The following BIRC6 variants were observed in gnomAD, a reference collection of about 807,000 sequenced individuals.
BIRC6 encodes the protein dual E2 ubiquitin-conjugating enzyme/E3 ubiquitin-protein ligase BIRC6.
In BIRC6, 98 loss-of-function variants were observed where a neutral mutation model predicts 503.3. The ratio of observed to expected loss-of-function variants is 0.19; its 90% confidence interval spans 0.17 to 0.23. The LOEUF is 0.23. Ranked by LOEUF, BIRC6 falls within the 10% of genes least tolerant of loss-of-function variation. The pLI is 1.00. For missense variants in BIRC6, 5,360 were observed against 5,806.0 expected (o/e 0.92, Z 2.50); for synonymous variants, 2,240 against 2,078.7 (o/e 1.08, Z -2.11).
At chr2:32,473,690 C>CT (rs2049352585) in intron 33 of BIRC6, among the ~76,000 whole-genome samples, 2 of 113,784 alleles carry the variant, frequency 1.8e-5, no homozygotes, top group Admixed American at 8.9e-5. Context: ...TTTTCCATGT[C>CT]TTTTTTCTCC....
rs200715340 is a variant in BIRC6, at chr2:32,497,248, AG to A, written c.8469-2297del. On this transcript the variant is annotated intron_variant, in intron 45 of 73. Transcript: ENST00000421745. The stretch of plus-strand genomic sequence containing the variant: ...TGGCTTTGAACTCCTGAGTTCAAGC[AG>A]GCTTTCAGTCTCATTCTGTTCTTAG... Among the ~76,000 whole-genome samples, 1,129 of 152,346 alleles carry A rather than the reference AG, an allele frequency of 7.4e-3. 13 individuals are homozygous for A. Among genetic ancestry groups the A allele is most frequent in the Non-Finnish European group, 0.011 (735 of 68,038 alleles).
At chr2:32,366,223 A>G (rs187089005) in intron 1 of BIRC6, among the ~76,000 whole-genome samples, 12 of 152,330 alleles carry the variant, frequency 7.9e-5, no homozygotes, top group Admixed American at 2.6e-4. Context: ...AAAGAATACA[A>G]CGTGAATGTT....
In BIRC6 at chr2:32,472,931, G is replaced by T. The variant is rs1249225000; in HGVS notation, c.6593-181G>T. 2.9e-5 allele frequency: 15 copies of T among 517,896 alleles called. 1 individual carries two copies. The South Asian group carries it at 4.1e-4, about 14-fold the overall frequency. 32.1% of individuals were successfully genotyped at this position (517,896 alleles called of 1,614,324 possible). ...GATTTAGGGTCTACATTAGATAATTGACAGTTATCCAGTCTTTATAGAATC... is the reference window on the plus strand; with the variant it reads ...GATTTAGGGTCTACATTAGATAATTTACAGTTATCCAGTCTTTATAGAATC... On this transcript the variant is annotated intron_variant, in intron 32 of 73. Coordinates refer to ENST00000421745, the MANE Select transcript of BIRC6 (RefSeq NM_016252.4).
At chr2:32,467,306 T>C (rs2148936367) in intron 26 of BIRC6, among the ~76,000 whole-genome samples, 1 of 152,228 alleles carries the variant, frequency 6.6e-6, no homozygotes, top group East Asian at 1.9e-4. Flanking sequence ...TACTCTTAAT[T>C]TTCTACTTAC....
In BIRC6 at chr2:32,597,008, G is replaced by C. The variant is rs373503262; in HGVS notation, c.13613-743G>C. On this transcript the variant is annotated intron_variant, in intron 68 of 73. Transcript: ENST00000421745. ...ATAAAATCATAAACTCTCCAAGTAT[G>C]TGACTTTAAACATAATCAAGTTTGC... Among the ~76,000 whole-genome samples the C allele has an allele frequency of 5.3e-5, 8 of 152,324 alleles. No individual in the cohort carries two copies. In the East Asian group the frequency reaches 1.4e-3, roughly 26 times the overall value.
intron 50 of BIRC6, among the ~76,000 whole-genome samples, chr2:32,505,956 C>G (rs1054919332): frequency 4.6e-5 from 7 of 151,922 alleles, no homozygotes; most frequent in African/African-American, 1.5e-4. Context: ...AAATGATCCT[C>G]TCATCTCAGC....
intron 66 of BIRC6, among the ~76,000 whole-genome samples, chr2:32,590,070 A>G (rs570133475): frequency 1.7e-4 from 26 of 152,344 alleles, no homozygotes; most frequent in African/African-American, 5.5e-4. Context: ...GAAAACATTT[A>G]TAGTACGGAG....
chr2:32,537,810 C>CA (rs774275781), intron 61 of BIRC6, among the ~76,000 whole-genome samples: 3 of 151,734 alleles, frequency 2.0e-5, no homozygotes, highest in East Asian at 3.9e-4. Flanking sequence ...ACTAAAAATA[C>CA]AAAAAATTAG....
intron 70 of BIRC6, chr2:32,602,406 A>G (rs977344023): frequency 2.4e-4 from 37 of 152,254 alleles, no homozygotes; most frequent in African/African-American, 8.7e-4. Flanking sequence ...CGTAGAGAGT[A>G]GAATAGTGGT....
intron 1 of BIRC6, among the ~76,000 whole-genome samples, chr2:32,361,204 G>T (rs2034024083): frequency 6.6e-6 from 1 of 152,036 alleles, no homozygotes; most frequent in African/African-American, 2.4e-5. Flanking sequence ...CAAAGTGTTG[G>T]GATTACAGGT....
intron 32 of BIRC6, 120 bp from the exon 33 acceptor site, chr2:32,472,991 TA>T (rs2049276846): frequency 1.3e-6 from 1 of 797,268 alleles, no homozygotes; most frequent in Non-Finnish European, 1.9e-6. Flanking sequence ...ATGTTTTTCT[TA>T]TTAAAACTGC....
intron 9 of BIRC6, among the ~76,000 whole-genome samples, chr2:32,412,357 C>T (rs1301560420): frequency 6.6e-6 from 1 of 150,904 alleles, no homozygotes; most frequent in East Asian, 2.0e-4. Flanking sequence ...ATTAGCCAGG[C>T]GTGGTGGCAG....
At chr2:32,559,255 A>G (rs2058990150) in intron 65 of BIRC6, among the ~76,000 whole-genome samples, 1 of 152,230 alleles carries the variant, frequency 6.6e-6, no homozygotes, top group Admixed American at 6.5e-5. Context: ...GAGGATTGGA[A>G]GGATAGTGAC....
chr2:32,464,848 T>C, intron 25 of BIRC6, 25 bp downstream of exon 25: 1 of 1,561,904 alleles, frequency 6.4e-7, no homozygotes, highest in Non-Finnish European at 8.6e-7. Flanking sequence ...AAATAGGTGT[T>C]GGCTTAGACA....
chr2:32,481,534 A>T, intron 38 of BIRC6, 81 bp downstream of exon 38: 2 of 1,156,350 alleles, frequency 1.7e-6, no homozygotes, highest in Non-Finnish European at 2.3e-6. Flanking sequence ...TGGGAGGCCA[A>T]GGTGGGCAGA....
At chr2:32,588,966 A>G (rs1197072195) in intron 66 of BIRC6, among the ~76,000 whole-genome samples, 1 of 152,218 alleles carries the variant, frequency 6.6e-6, no homozygotes, top group Non-Finnish European at 1.5e-5. Flanking sequence ...TGAAATTAAA[A>G]TATAGCCATA....
chr2:32,399,584 C>A lies in BIRC6; in HGVS notation c.1035-1579C>A, dbSNP rs190337757. 6.2e-4 allele frequency among the ~76,000 whole-genome samples: 94 copies of A among 152,030 alleles called. 1 individual carries two copies. The highest frequency in any genetic ancestry group is 5.7e-3 in the Admixed American group (87 of 15,250). ...TGGGTTCTTGTTTTGGTAGCAGGAT[C>A]CTGACATTTCTAATGCCTTATAATT... is the stretch of plus-strand genomic sequence containing the variant. On this transcript the variant is annotated intron_variant, in intron 6 of 73. Transcript: ENST00000421745.
intron 40 of BIRC6, 48 bp downstream of exon 40, chr2:32,485,807 C>T (rs200608124): frequency 8.0e-7 from 1 of 1,245,578 alleles, no homozygotes; most frequent in East Asian, 2.4e-5. Flanking sequence ...TGATTCAGCT[C>T]TTCATCATTT....
At chr2:32,554,241 GAAAT>G (rs148607919) in intron 65 of BIRC6, among the ~76,000 whole-genome samples, 97 of 152,240 alleles carry the variant, frequency 6.4e-4, no homozygotes, top group African/African-American at 2.3e-3. Context: ...AATTCTTATT[GAAAT>G]AAATCTTTAC....
Sources: gnomAD v4.1 joint callset for allele counts (sites outside exome capture counted in the v4.1 genomes callset) on GRCh38, gnomAD v4.1.1 for gene constraint, MANE v1.5 for transcripts, NCBI Gene and HGNC (gene_info 2026-07-23, HGNC 2026-07-21) for gene names.